The following CA10 variants were observed in gnomAD, a reference collection of about 807,000 sequenced individuals.
CA10 encodes the protein carbonic anhydrase 10 (inactive), also known as carbonic anhydrase-related protein 10.
In CA10, 14 loss-of-function variants were observed where a neutral mutation model predicts 44.2. That is an observed-to-expected ratio of 0.32 (90% CI 0.21 to 0.50). The LOEUF (loss-of-function observed/expected upper bound fraction) is 0.50. Among genes scored for constraint, CA10 ranks in the 20% least tolerant of loss-of-function variants. CA10 has a pLI of 0.99. For synonymous variants in CA10, 159 were observed against 141.6 expected, an observed-to-expected ratio of 1.12 and a Z score of -0.87; for missense variants, 350 against 409.7, an observed-to-expected ratio of 0.85 and a Z score of 1.26.
chr17:52,019,937 C>A (rs2036341379), intron 2 of CA10, among the ~76,000 whole-genome samples: 2 of 151,416 alleles, frequency 1.3e-5, no homozygotes, highest in African/African-American at 2.4e-5. Context: ...TGTATATATA[C>A]AATCTGCTTT....
At chr17:51,641,967 C>A (rs1913107776) in intron 6 of CA10, among the ~76,000 whole-genome samples, 1 of 152,068 alleles carries the variant, frequency 6.6e-6, no homozygotes, top group Non-Finnish European at 1.5e-5. Context: ...GGACTTGTTC[C>A]TGATCAATAT....
chr17:52,060,096 C>T (rs1455015381), intron 2 of CA10, among the ~76,000 whole-genome samples: 2 of 152,094 alleles, frequency 1.3e-5, no homozygotes, highest in Non-Finnish European at 1.5e-5. Flanking sequence ...ATGAGACAAA[C>T]ACATGTTGAT....
intron 7 of CA10, among the ~76,000 whole-genome samples, chr17:51,635,527 A>G (rs1445806282): frequency 1.3e-5 from 2 of 152,070 alleles, no homozygotes; most frequent in Non-Finnish European, 2.9e-5. Flanking sequence ...AAAGAAAAAA[A>G]AAAAGATGGA....
intron 2 of CA10, among the ~76,000 whole-genome samples, chr17:52,066,685 G>C: frequency 6.6e-6 from 1 of 152,178 alleles, no homozygotes; most frequent in Non-Finnish European, 1.5e-5. Flanking sequence ...CCAGTCTTGG[G>C]TATGTCCTTA....
chr17:51,934,409 T>G (rs203096), intron 2 of CA10, among the ~76,000 whole-genome samples: 103,031 of 151,928 alleles, frequency 0.68, 35,267 homozygotes, highest in Non-Finnish European at 0.71. Context: ...GCAGATCATT[T>G]TAGGAAATTT....
At chr17:51,835,783 G>T (rs1217683531) in intron 3 of CA10, among the ~76,000 whole-genome samples, 1 of 152,202 alleles carries the variant, frequency 6.6e-6, no homozygotes, top group African/African-American at 2.4e-5. Context: ...TAAGTGGGAA[G>T]TCAGCTACTT....
intron 2 of CA10, among the ~76,000 whole-genome samples, chr17:52,064,031 T>G (rs1206453298): frequency 1.3e-5 from 2 of 152,222 alleles, no homozygotes; most frequent in Non-Finnish European, 2.9e-5. Flanking sequence ...TTATACTGAA[T>G]AGGCTTGACC....
chr17:52,077,501 C>A (rs760118186), intron 1 of CA10, among the ~76,000 whole-genome samples: 2 of 152,018 alleles, frequency 1.3e-5, no homozygotes, highest in African/African-American at 2.4e-5. Flanking sequence ...TAGCTGTGTG[C>A]CAGTACAATT....
At chr17:51,955,966 C>T (rs911980905) in intron 2 of CA10, among the ~76,000 whole-genome samples, 3 of 152,144 alleles carry the variant, frequency 2.0e-5, no homozygotes. Flanking sequence ...GCACATTCTG[C>T]ACATGTGTCC....
chr17:51,820,727 A>G (rs1241996140), intron 3 of CA10, among the ~76,000 whole-genome samples: 2 of 151,798 alleles, frequency 1.3e-5, no homozygotes, highest in Non-Finnish European at 2.9e-5. Flanking sequence ...TTGAGCTTCA[A>G]TTTTCTCATT....
chr17:52,086,961 T>C (rs1291721760), intron 1 of CA10, among the ~76,000 whole-genome samples: 1 of 152,180 alleles, frequency 6.6e-6, no homozygotes, highest in East Asian at 1.9e-4. Flanking sequence ...GTCTTGTGTG[T>C]TTGTTGCCTA....
At chr17:51,834,364 G>A (rs896776434) in intron 3 of CA10, among the ~76,000 whole-genome samples, 1 of 152,308 alleles carries the variant, frequency 6.6e-6, no homozygotes, top group African/African-American at 2.4e-5. Context: ...TGGGAAAACA[G>A]GAAAAGAATG....
At chr17:51,824,206 C>A (rs973638383) in intron 3 of CA10, among the ~76,000 whole-genome samples, 1 of 152,020 alleles carries the variant, frequency 6.6e-6, no homozygotes, top group Admixed American at 6.6e-5. Flanking sequence ...ATAAACCAAA[C>A]GTTTAAAAAG....
intron 2 of CA10, among the ~76,000 whole-genome samples, chr17:51,932,515 C>T (rs892279465): frequency 5.3e-5 from 8 of 152,232 alleles, no homozygotes; most frequent in Middle Eastern, 3.4e-3. Flanking sequence ...TAGACAAACA[C>T]TTCAACATCA....
At chr17:52,120,373 CCT>C (rs1277893173) in intron 1 of CA10, among the ~76,000 whole-genome samples, 3 of 152,112 alleles carry the variant, frequency 2.0e-5, no homozygotes, top group Non-Finnish European at 2.9e-5. Flanking sequence ...AAACAGCACC[CCT>C]GTCAGCAGGA....
chr17:52,016,600 A>T (rs1985975761), intron 2 of CA10, among the ~76,000 whole-genome samples: 1 of 152,064 alleles, frequency 6.6e-6, no homozygotes, highest in Non-Finnish European at 1.5e-5. Flanking sequence ...CTCTGAGTGC[A>T]TGTGAGACCT....
At chr17:51,837,062 T>C (rs576236270) in intron 3 of CA10, among the ~76,000 whole-genome samples, 1 of 146,902 alleles carries the variant, frequency 6.8e-6, no homozygotes, top group East Asian at 2.0e-4. Flanking sequence ...TATGTATACA[T>C]TGATTTGAGT....
chr17:51,761,444 C>T (rs906540523), intron 3 of CA10: 3 of 152,138 alleles, frequency 2.0e-5, no homozygotes, highest in Admixed American at 2.0e-4. Context: ...AATATCTCTC[C>T]TAAGAATTTG....
At position 51,687,965 on chromosome 17, in the gene CA10, A is replaced by T. The variant is rs1165119602; in HGVS notation, c.466-34229T>A. On this transcript the variant is annotated intron_variant, in intron 4 of 8. Coordinates refer to ENST00000451037, the MANE Select transcript of CA10 (RefSeq NM_020178.5). ...CGTAGAGTTGAACTGTGAAACCAAC[A>T]GGATATTAAGTAAATGACAGTGTGC... Among the ~76,000 whole-genome samples the T allele has an allele frequency of 8.5e-5, 13 of 152,334 alleles. No homozygotes were observed. The East Asian group carries it at 2.1e-3, about 25-fold the overall frequency.
Sources: gnomAD v4.1 joint callset for allele counts (sites outside exome capture counted in the v4.1 genomes callset) on GRCh38, gnomAD v4.1.1 for gene constraint, MANE v1.5 for transcripts, NCBI Gene and HGNC (gene_info 2026-07-23, HGNC 2026-07-21) for gene names.